Variants in ANKRD31 observed in about 807,000 individuals in gnomAD.
ANKRD31 encodes ankyrin repeat domain 31.
A neutral mutation model predicts 186.0 loss-of-function variants in ANKRD31; 147 were observed. The observed-to-expected ratio is 0.79, with a 90% CI of 0.69 to 0.91. The LOEUF (loss-of-function observed/expected upper bound fraction) is 0.91. Among genes scored for constraint, ANKRD31 ranks in the 40% least tolerant of loss-of-function variants. The pLI is 0.00. For missense variants in ANKRD31, 1,986 were observed against 2,148.8 expected (o/e 0.92, Z 1.50); for synonymous variants, 673 against 736.4 (o/e 0.91, Z 1.39).
intron 23 of ANKRD31, among the ~76,000 whole-genome samples, chr5:75,087,901 C>G (rs1336785563): frequency 6.6e-6 from 1 of 152,192 alleles, no homozygotes; most frequent in Non-Finnish European, 1.5e-5. Flanking sequence ...CCATTCCAGA[C>G]TCTTTTTTCA....
In ANKRD31 at chr5:75,146,741, GA is replaced by G. The variant is rs1385735364; in HGVS notation, c.2669del (p.Phe890SerfsTer5). 3 of 1,536,104 alleles carry G rather than the reference GA, an allele frequency of 2.0e-6. No individual in the cohort carries two copies. The highest frequency in any genetic ancestry group is 2.7e-5 in the African/African-American group (2 of 72,920). On this transcript the variant is annotated frameshift_variant, in exon 14 of 26. Coordinates refer to ENST00000506364, the MANE Select transcript of ANKRD31 (RefSeq NM_001372053.1). LOFTEE classifies it high-confidence loss of function. ...CAGAATTTTCCTTTACAAAGGATAGGAAAGAATTTTCCCATTTGTTAAATCT... is the reference window on the plus strand; with the variant it reads ...CAGAATTTTCCTTTACAAAGGATAGGAAGAATTTTCCCATTTGTTAAATCT... ...DERFNKWENS[F>X]LSFVKENSDN...
intron 11 of ANKRD31, among the ~76,000 whole-genome samples, chr5:75,166,702 A>G (rs1752951211): frequency 6.6e-6 from 1 of 152,192 alleles, no homozygotes; most frequent in Non-Finnish European, 1.5e-5. Flanking sequence ...CCTACTAACA[A>G]GGTAAACCTA....
intron 11 of ANKRD31, among the ~76,000 whole-genome samples, chr5:75,168,169 C>A (rs1305046718): frequency 6.6e-6 from 1 of 152,132 alleles, no homozygotes; most frequent in Non-Finnish European, 1.5e-5. Flanking sequence ...AAGGAATATG[C>A]CCTGTCTATT....
intron 10 of ANKRD31, among the ~76,000 whole-genome samples, chr5:75,181,165 C>T (rs560812736): frequency 6.6e-6 from 1 of 152,200 alleles, no homozygotes; most frequent in South Asian, 2.1e-4. Context: ...CAGAGAAATA[C>T]AAATCAAAAC....
At chr5:75,070,285 T>C (rs570584316) in intron 25 of ANKRD31, among the ~76,000 whole-genome samples, 2 of 152,194 alleles carry the variant, frequency 1.3e-5, no homozygotes, top group Non-Finnish European at 2.9e-5. Context: ...TTAAATTCTT[T>C]TCATCAAAAT....
chr5:75,154,847 T>TG (rs1477486069), intron 11 of ANKRD31, among the ~76,000 whole-genome samples: 7 of 152,052 alleles, frequency 4.6e-5, no homozygotes, highest in Admixed American at 4.6e-4. Flanking sequence ...CTCAGACTGT[T>TG]GGTGAAAAAG....
At chr5:75,127,634 A>G (rs987601442) in intron 17 of ANKRD31, among the ~76,000 whole-genome samples, 1 of 152,198 alleles carries the variant, frequency 6.6e-6, no homozygotes, top group African/African-American at 2.4e-5. Context: ...TGAGTTCCAT[A>G]TCAATTTTAG....
intron 23 of ANKRD31, among the ~76,000 whole-genome samples, chr5:75,090,402 C>G (rs1432760592): frequency 6.6e-6 from 1 of 152,086 alleles, no homozygotes; most frequent in East Asian, 1.9e-4. Context: ...GGCACAGAAT[C>G]TGGGACACAG....
chr5:75,194,784 A>G (rs1755350196), intron 7 of ANKRD31, among the ~76,000 whole-genome samples: 1 of 152,136 alleles, frequency 6.6e-6, no homozygotes, highest in Non-Finnish European at 1.5e-5. Flanking sequence ...TATATATAAT[A>G]TAATCCCATT....
At chr5:75,151,730 T>C (rs1412126403) in intron 12 of ANKRD31, among the ~76,000 whole-genome samples, 3 of 152,046 alleles carry the variant, frequency 2.0e-5, no homozygotes, top group East Asian at 1.9e-4. Flanking sequence ...TCTTTTCTAA[T>C]AGACTTATCA....
intron 24 of ANKRD31, among the ~76,000 whole-genome samples, chr5:75,082,685 C>T (rs1047617584): frequency 6.6e-6 from 1 of 152,134 alleles, no homozygotes; most frequent in African/African-American, 2.4e-5. Flanking sequence ...CAAATCATGT[C>T]TTCAGAAAGA....
chr5:75,107,647 A>C (rs766389829), intron 20 of ANKRD31, 30 bp from the exon 21 acceptor site: 1 of 1,371,226 alleles, frequency 7.3e-7, no homozygotes, highest in Non-Finnish European at 9.8e-7. Flanking sequence ...AAGTTAGCTA[A>C]CTGAGGGAGA....
At chr5:75,069,275 A>ATT (rs34733519) in intron 25 of ANKRD31, among the ~76,000 whole-genome samples, 2 of 150,446 alleles carry the variant, frequency 1.3e-5, no homozygotes, top group Non-Finnish European at 3.0e-5. Flanking sequence ...AGTCTGAGAG[A>ATT]TTTTTTTTTT....
rs1161102304 is a variant in ANKRD31, at chr5:75,118,184, A to G, written c.3990T>C (p.Tyr1330=). 6.6e-7 allele frequency: 1 copy of G among 1,526,266 alleles called. No individual in the cohort carries two copies. Among genetic ancestry groups the G allele is most frequent in the Non-Finnish European group, 8.7e-7 (1 of 1,143,604 alleles). The allele number at this position is 1,526,266 out of a possible 1,614,324, so 94.5% of individuals were successfully genotyped here. The change falls in exon 18 of 26, where the codon TAT becomes TAC. Residue 1330 remains tyrosine (Y), a synonymous_variant. Coordinates refer to ENST00000506364, the MANE Select transcript of ANKRD31 (RefSeq NM_001372053.1). The part of the protein sequence containing the change: ...DEKMKELLRS[Y]GAIETVNRDE... ...CTCTATTAACAGTCTCAATAGCACC[A>G]TAAGATCTTAGTAATTCTTTCATTT... is the stretch of plus-strand genomic sequence containing the variant.
intron 9 of ANKRD31, 35 bp from the exon 10 acceptor site, chr5:75,188,683 T>C: frequency 6.8e-7 from 1 of 1,481,432 alleles, no homozygotes. Flanking sequence ...AAAAAAATCA[T>C]TATTTGAATA....
intron 5 of ANKRD31, among the ~76,000 whole-genome samples, chr5:75,201,584 T>C (rs1204398070): frequency 6.6e-6 from 1 of 152,182 alleles, no homozygotes; most frequent in East Asian, 1.9e-4. Context: ...TATAGACATT[T>C]TCTCCCATGT....
intron 6 of ANKRD31, among the ~76,000 whole-genome samples, chr5:75,197,114 C>T (rs1580537277): frequency 1.3e-5 from 2 of 152,090 alleles, no homozygotes; most frequent in East Asian, 1.9e-4. Flanking sequence ...GTTGGTCCAG[C>T]TGGTCTCAAT....
At position 75,146,174 on chromosome 5, in the gene ANKRD31, C is replaced by T; in HGVS notation, c.3237G>A (p.Glu1079=). The change falls in exon 14 of 26, where the codon GAG becomes GAA. Residue 1079 remains glutamate (E), a synonymous_variant. Coordinates refer to ENST00000506364, the MANE Select transcript of ANKRD31 (RefSeq NM_001372053.1). Reference sequence around the variant, plus strand: ...GAGAATGAGCAACTATGGATAAAGGCTCATTTGAATAAATTATTTTTTGGT... The same window carrying T: ...GAGAATGAGCAACTATGGATAAAGGTTCATTTGAATAAATTATTTTTTGGT... ...DRDQKIIYSN[E]PLSIVAHSQV... 6.5e-7 allele frequency: 1 copy of T among 1,535,744 alleles called. No individual in the cohort carries two copies. The highest frequency in any genetic ancestry group is 8.7e-7 in the Non-Finnish European group (1 of 1,146,242).
Position 75,144,099 on chromosome 5 carries a change from G to T in ANKRD31, c.3497C>A (p.Thr1166Lys), listed in dbSNP as rs899042468. The T allele has an allele frequency of 5.0e-6, 2 of 397,366 alleles. No individual in the cohort carries two copies. Among genetic ancestry groups the T allele is most frequent in the Non-Finnish European group, 8.9e-6 (2 of 225,356 alleles). 24.6% of individuals were successfully genotyped at this position (397,366 alleles called of 1,614,324 possible). ...IRNCEEIKEK[T>K]ESEIHMPTNS... is the part of the protein sequence containing the mutation. Reference sequence around the variant, plus strand: ...AGTAGGCATGTGAATTTCTGACTCCGTTTTTTCTTTTATCTCCTCACAATT... The same window carrying T: ...AGTAGGCATGTGAATTTCTGACTCCTTTTTTTCTTTTATCTCCTCACAATT... The change falls in exon 15 of 26, where the codon ACG becomes AAG. Residue 1166 changes from threonine (T) to lysine (K), a missense_variant. Coordinates refer to ENST00000506364, the MANE Select transcript of ANKRD31 (RefSeq NM_001372053.1).
Sources: gnomAD v4.1 joint callset for allele counts (sites outside exome capture counted in the v4.1 genomes callset) on GRCh38, gnomAD v4.1.1 for gene constraint, MANE v1.5 for transcripts, NCBI Gene and HGNC (gene_info 2026-07-23, HGNC 2026-07-21) for gene names.